The following USP53 variants were observed in gnomAD, a reference collection of about 807,000 sequenced individuals.
The protein encoded by USP53 is ubiquitin specific peptidase 53, also known as ubiquitin carboxyl-terminal hydrolase 53.
USP53 carries 71 observed loss-of-function variants against 94.9 expected under a neutral mutation model. The ratio of observed to expected loss-of-function variants is 0.75; its 90% CI spans 0.62 to 0.91. The LOEUF is 0.91. Ranked by LOEUF, USP53 falls within the 40% of genes least tolerant of loss-of-function variation. USP53 has a pLI of 0.00. For missense variants in USP53, 1,173 were observed against 1,281.0 expected, an observed-to-expected ratio of 0.92 and a Z score of 1.29; for synonymous variants, 375 against 422.7, an observed-to-expected ratio of 0.89 and a Z score of 1.39.
chr4:119,271,499 A>ACTGG lies in USP53; in HGVS notation c.1641_1644dup (p.Lys549TrpfsTer4). 1 of 1,613,456 alleles carries ACTGG rather than the reference A, an allele frequency of 6.2e-7. No individual in the cohort carries two copies. Among genetic ancestry groups the ACTGG allele is most frequent in the Non-Finnish European group, 8.5e-7 (1 of 1,179,924 alleles). ...GATTCTTGCTCCAGGAGAGAAAATA[A>ACTGG]CTGGCAAAGTTAAGAGTGACAATGG... is the stretch of plus-strand genomic sequence containing the variant. On this transcript the variant is annotated frameshift_variant, in exon 16 of 19. Coordinates refer to ENST00000692078, the MANE Select transcript of USP53 (RefSeq NM_001371395.1). LOFTEE classifies it high-confidence loss of function.
intron 3 of USP53, among the ~76,000 whole-genome samples, chr4:119,223,715 G>C (rs1232812120): frequency 1.3e-5 from 2 of 152,140 alleles, no homozygotes; most frequent in South Asian, 2.1e-4. Flanking sequence ...CATCATAGGT[G>C]GTTTGGTTAG....
chr4:119,216,961 C>T (rs1358584994), intron 2 of USP53, among the ~76,000 whole-genome samples: 2 of 152,044 alleles, frequency 1.3e-5, no homozygotes, highest in Non-Finnish European at 2.9e-5. Context: ...TCGTTGAATG[C>T]CTATGTTTTG....
chr4:119,273,697 A>G lies in USP53; in HGVS notation c.2240A>G (p.His747Arg). Residue 747 changes from histidine (H) to arginine (R), a missense_variant, in exon 17 of 19, where the codon CAT becomes CGT. Physicochemically the swap from His to Arg is conservative, Grantham distance 29 (BLOSUM62 0). Coordinates refer to ENST00000692078, the MANE Select transcript of USP53 (RefSeq NM_001371395.1). The stretch of plus-strand genomic sequence containing the variant: ...GACTGTACCTCCCTTCAGAGCCAAC[A>G]TCACTTAGAAGGTAAAAAACTTATT... ...RGDCTSLQSQ[H>R]HLEGFRKELR... is the part of the protein sequence containing the mutation. The G allele has an allele frequency of 2.5e-6, 4 of 1,611,710 alleles. No individual in the cohort carries two copies. Among genetic ancestry groups the G allele is most frequent in the Non-Finnish European group, 3.4e-6 (4 of 1,178,610 alleles).
intron 3 of USP53, among the ~76,000 whole-genome samples, chr4:119,225,513 G>A (rs1301216610): frequency 6.6e-6 from 1 of 152,164 alleles, no homozygotes; most frequent in East Asian, 1.9e-4. Flanking sequence ...TTGGGAGGCC[G>A]AGGCGGGCAG....
intron 5 of USP53, among the ~76,000 whole-genome samples, chr4:119,244,604 A>T (rs1179814906): frequency 3.3e-5 from 5 of 152,210 alleles, no homozygotes. Context: ...TCTATGAGAC[A>T]CAAGTACTAT....
chr4:119,292,532 C>G lies in USP53; in HGVS notation c.2543C>G (p.Ser848Cys). The change falls in exon 19 of 19, where the codon TCT becomes TGT. Residue 848 changes from serine (S) to cysteine (C), a missense_variant. Ser to Cys is a moderately radical substitution (Grantham distance 112, BLOSUM62 -1). Transcript: ENST00000692078. ...RTGLPFHVDN[S>C]ASGKRVNSNE... is the part of the protein sequence containing the mutation. The stretch of plus-strand genomic sequence containing the variant: ...GGTTTGCCTTTTCACGTTGATAACT[C>G]TGCTTCTGGGAAGAGAGTGAACAGT... 2 of 1,613,976 alleles carry G rather than the reference C, an allele frequency of 1.2e-6. No homozygotes were observed. The highest frequency in any genetic ancestry group is 8.5e-7 in the Non-Finnish European group (1 of 1,179,922).
intron 17 of USP53, among the ~76,000 whole-genome samples, chr4:119,273,973 T>G (rs986817701): frequency 1.9e-4 from 29 of 151,172 alleles, no homozygotes; most frequent in African/African-American, 6.5e-4. Context: ...CTTCACAAAG[T>G]GTTAATAATG....
Position 119,294,672 on chromosome 4 carries a change from A to G in USP53, c.*1461A>G, listed in dbSNP as rs541678606. 4.6e-5 allele frequency: 7 copies of G among 152,228 alleles called. No individual in the cohort carries two copies. In the East Asian group the frequency reaches 1.4e-3, roughly 29 times the overall value. 9.4% of individuals were successfully genotyped at this position (152,228 alleles called of 1,614,324 possible). A position where few individuals can be genotyped will look rare whatever the true frequency, so the allele number is the denominator to read the frequency against. ...GTAAATCGTGTTAAAACATTCTAAA[A>G]TGTTGTAACTAATTTAATGTGAATA... On this transcript the variant is annotated 3_prime_UTR_variant, in exon 19 of 19. Transcript: ENST00000692078.
chr4:119,248,922 G>A, intron 7 of USP53, 40 bp downstream of exon 7: 2 of 1,609,342 alleles, frequency 1.2e-6, no homozygotes, highest in South Asian at 1.1e-5. Context: ...CAGGATAGTA[G>A]TTTTCATTCC....
chr4:119,271,969 A>T lies in USP53; in HGVS notation c.2109A>T (p.Ser703=). ...HISNGSTNLD[S]PVIDGNGTVM... ...GTAATGGTTCTACTAATTTGGACTC[A>T]CCTGTTATCGATGGAAATGGTACAG... The change falls in exon 16 of 19, where the codon TCA becomes TCT. Residue 703 remains serine (S), a synonymous_variant. Coordinates refer to ENST00000692078, the MANE Select transcript of USP53 (RefSeq NM_001371395.1). 1.9e-6 allele frequency: 3 copies of T among 1,613,524 alleles called. No individual in the cohort carries two copies. The South Asian group carries it at 3.3e-5, about 18-fold the overall frequency.
At chr4:119,288,543 C>T (rs912803338) in intron 17 of USP53, among the ~76,000 whole-genome samples, 2 of 152,172 alleles carry the variant, frequency 1.3e-5, no homozygotes, top group South Asian at 2.1e-4. Context: ...TTTAACTTTT[C>T]GTCCTCCATT....
intron 17 of USP53, among the ~76,000 whole-genome samples, chr4:119,274,069 TA>T (rs1429604906): frequency 3.3e-5 from 5 of 149,824 alleles, no homozygotes; most frequent in Admixed American, 6.6e-5. Context: ...CCTCTTGTTT[TA>T]TTTTTTTATT....
At position 119,293,098 on chromosome 4, in the gene USP53, A is replaced by AC. The variant is rs747586327; in HGVS notation, c.3111dup (p.Tyr1038LeufsTer5). ...TCCAAATGAGACAGTTTCATTAACT[A>AC]CCTATTTTTCAGTTGATAGCTGCAT... On this transcript the variant is annotated frameshift_variant, in exon 19 of 19. Transcript: ENST00000692078. LOFTEE classifies it high-confidence loss of function. 6.2e-7 allele frequency: 1 copy of AC among 1,613,960 alleles called. No individual in the cohort carries two copies. The highest frequency in any genetic ancestry group is 1.1e-5 in the South Asian group (1 of 91,076).
chr4:119,256,673 T>A (rs551343454), intron 9 of USP53, 150 bp downstream of exon 9: 1 of 817,686 alleles, frequency 1.2e-6, no homozygotes, highest in South Asian at 1.7e-5. Flanking sequence ...TTAAGTGATG[T>A]CTATCAAAGT....
At chr4:119,214,370 A>C (rs994178615) in intron 2 of USP53, 148 bp downstream of exon 2, 2 of 152,214 alleles carry the variant, frequency 1.3e-5, no homozygotes, top group South Asian at 4.1e-4. Context: ...TTTTTCATTA[A>C]TGAAACTGGG....
At chr4:119,253,983 G>C (rs1305842441) in intron 7 of USP53, among the ~76,000 whole-genome samples, 1 of 152,142 alleles carries the variant, frequency 6.6e-6, no homozygotes, top group African/African-American at 2.4e-5. Flanking sequence ...AGGAAGCTTA[G>C]TTTGGCTGGA....
intron 3 of USP53, among the ~76,000 whole-genome samples, chr4:119,234,526 G>A (rs1746478520): frequency 6.6e-6 from 1 of 152,128 alleles, no homozygotes; most frequent in African/African-American, 2.4e-5. Context: ...ATACGCTAAA[G>A]TGTATATAAA....
chr4:119,222,351 A>G (rs1057183046), intron 3 of USP53, among the ~76,000 whole-genome samples: 5 of 152,178 alleles, frequency 3.3e-5, no homozygotes, highest in South Asian at 2.1e-4. Flanking sequence ...AATATACAAT[A>G]CATTACTGTT....
chr4:119,261,917 TAATA>T, intron 12 of USP53, 53 bp downstream of exon 12: 1 of 1,309,654 alleles, frequency 7.6e-7, no homozygotes, highest in Non-Finnish European at 1.0e-6. Flanking sequence ...TACTTTTTGT[TAATA>T]AATGATATAT....
Sources: allele counts gnomAD v4.1 joint callset (sites outside exome capture counted in the v4.1 genomes callset), GRCh38; gene constraint gnomAD v4.1.1; transcripts MANE v1.5; gene names NCBI Gene and HGNC (gene_info 2026-07-23, HGNC 2026-07-21).